NCK2: variants seen among roughly 807,000 people sequenced by gnomAD.
The protein encoded by NCK2 is cytoplasmic protein NCK2.
Under a neutral mutation model 33.9 loss-of-function variants are expected in NCK2, and 16 were observed. The observed-to-expected ratio is 0.47, with a 90% CI of 0.32 to 0.72. The LOEUF (loss-of-function observed/expected upper bound fraction) is 0.72. Among genes scored for constraint, NCK2 ranks in the 30% least tolerant of loss-of-function variants. The pLI is 0.03. For synonymous variants in NCK2, 273 were observed against 239.9 expected (o/e 1.14, Z -1.27); for missense variants, 418 against 537.3 (o/e 0.78, Z 2.19).
chr2:105,825,705 G>A (rs1203332553), intron 2 of NCK2, among the ~76,000 whole-genome samples: 3 of 152,172 alleles, frequency 2.0e-5, no homozygotes, highest in Admixed American at 2.0e-4. Flanking sequence ...TGCCCAGCAG[G>A]GCTATTATCT....
chr2:105,788,190 G>C lies in NCK2; in HGVS notation c.-200-28240G>C, dbSNP rs185325085. 1.1e-4 allele frequency among the ~76,000 whole-genome samples: 16 copies of C among 152,314 alleles called. No homozygotes were observed. The East Asian group carries it at 3.1e-3, about 29-fold the overall frequency. ...CAATTCTAGATAAGTTTTTTCATCA[G>C]CTATGTGAATTGGAGACAAAAGTTA... On this transcript the variant is annotated intron_variant, in intron 1 of 4. Transcript: ENST00000233154.
chr2:105,799,306 G>A (rs888303716), intron 1 of NCK2, among the ~76,000 whole-genome samples: 1 of 152,032 alleles, frequency 6.6e-6, no homozygotes, highest in African/African-American at 2.4e-5. Context: ...GTTATAAAGG[G>A]TGTTTTCCAT....
chr2:105,806,212 C>T (rs1675028997), intron 1 of NCK2, among the ~76,000 whole-genome samples: 1 of 142,268 alleles, frequency 7.0e-6, no homozygotes, highest in Non-Finnish European at 1.6e-5. Context: ...TGTATGTGTA[C>T]ATATCACACA....
rs192266729 is a variant in NCK2, at chr2:105,816,580, G to A, written c.-50G>A. ...ACATCATCGTTTTGAAGAGTTCTGC[G>A]TTTTGCCAGTCACCTCTCAACTGTG... On this transcript the variant is annotated 5_prime_UTR_variant, in exon 2 of 5. Transcript: ENST00000233154. 4 of 152,196 alleles carry A rather than the reference G, an allele frequency of 2.6e-5. No individual in the cohort carries two copies. The highest frequency in any genetic ancestry group is 1.3e-4 in the Admixed American group (2 of 15,276). 9.4% of individuals were successfully genotyped at this position (152,196 alleles called of 1,614,324 possible). A position where few individuals can be genotyped will look rare whatever the true frequency, so the allele number is the denominator to read the frequency against.
chr2:105,870,390 C>A (rs1677950141), intron 3 of NCK2, among the ~76,000 whole-genome samples: 1 of 152,194 alleles, frequency 6.6e-6, no homozygotes, highest in Non-Finnish European at 1.5e-5. Context: ...TGTGGCAGTC[C>A]CTTCCTGAAC....
At chr2:105,753,127 G>T (rs1689504833) in intron 1 of NCK2, among the ~76,000 whole-genome samples, 1 of 152,238 alleles carries the variant, frequency 6.6e-6, no homozygotes, top group South Asian at 2.1e-4. Flanking sequence ...ACATAAAACA[G>T]AACTGTAAAC....
chr2:105,763,651 G>A (rs554179029), intron 1 of NCK2, among the ~76,000 whole-genome samples: 70 of 152,206 alleles, frequency 4.6e-4, no homozygotes, highest in African/African-American at 1.7e-3. Context: ...TTGTGCATTG[G>A]GAACTTAGGG....
chr2:105,768,087 A>G (rs899402458), intron 1 of NCK2, among the ~76,000 whole-genome samples: 1 of 152,240 alleles, frequency 6.6e-6, no homozygotes, highest in African/African-American at 2.4e-5. Context: ...CACCTCTCCC[A>G]GTAACCACAT....
chr2:105,755,423 G>A (rs553530816), intron 1 of NCK2, among the ~76,000 whole-genome samples: 53 of 152,214 alleles, frequency 3.5e-4, no homozygotes, highest in African/African-American at 1.1e-3. Flanking sequence ...TGATTGTGCC[G>A]AGCACCTCAT....
intron 2 of NCK2, chr2:105,851,863 G>C (rs972331356): frequency 1.3e-5 from 2 of 152,302 alleles, no homozygotes; most frequent in Non-Finnish European, 2.9e-5. Flanking sequence ...GTAAGTGAGC[G>C]AGCCGGACGT....
At chr2:105,859,312 C>T (rs535670898) in intron 3 of NCK2, among the ~76,000 whole-genome samples, 3 of 152,162 alleles carry the variant, frequency 2.0e-5, no homozygotes, top group Admixed American at 1.3e-4. Context: ...CAAAAAGTTA[C>T]GGTTCCATTT....
In NCK2 at chr2:105,814,649, G is replaced by A. The variant is rs1273913515; in HGVS notation, c.-200-1781G>A. On this transcript the variant is annotated intron_variant, in intron 1 of 4. Coordinates refer to ENST00000233154, the MANE Select transcript of NCK2 (RefSeq NM_003581.5). ...AGAGATGTGCAAAGCCCACTCATCC[G>A]GAGTCCAAGGCCTAAGTGATTCCTC... Among the ~76,000 whole-genome samples, 5 of 152,280 alleles carry A rather than the reference G, an allele frequency of 3.3e-5. No homozygotes were observed. The East Asian group carries it at 9.6e-4, about 29-fold the overall frequency.
intron 1 of NCK2, among the ~76,000 whole-genome samples, chr2:105,784,213 C>T (rs906738878): frequency 1.3e-5 from 2 of 152,236 alleles, no homozygotes; most frequent in African/African-American, 4.8e-5. Flanking sequence ...AAGTAATCCG[C>T]CCGCCTCAGC....
In NCK2 at chr2:105,765,234, T is replaced by G. The variant is rs569087528; in HGVS notation, c.-201+20096T>G. On this transcript the variant is annotated intron_variant, in intron 1 of 4. Coordinates refer to ENST00000233154, the MANE Select transcript of NCK2 (RefSeq NM_003581.5). ...CATAAAGGCATTTTGGATTGATCTA[T>G]TCTAGAGGACCGTGTCTCAGAGTGA... Among the ~76,000 whole-genome samples the G allele has an allele frequency of 2.0e-5, 3 of 152,354 alleles. No individual in the cohort carries two copies. In the East Asian group the frequency reaches 5.8e-4, roughly 29 times the overall value.
chr2:105,844,425 T>C (rs539641071), intron 2 of NCK2, among the ~76,000 whole-genome samples: 1 of 152,080 alleles, frequency 6.6e-6, no homozygotes, highest in African/African-American at 2.4e-5. Context: ...CCTATTTTAG[T>C]CTAAAAAATA....
chr2:105,813,509 C>T (rs890094587), intron 1 of NCK2, among the ~76,000 whole-genome samples: 4 of 152,232 alleles, frequency 2.6e-5, no homozygotes, highest in Non-Finnish European at 4.4e-5. Flanking sequence ...CATCACTGGA[C>T]TTCCCTCTCA....
chr2:105,820,108 A>G (rs942694820), intron 2 of NCK2, among the ~76,000 whole-genome samples: 1 of 152,186 alleles, frequency 6.6e-6, no homozygotes, highest in African/African-American at 2.4e-5. Context: ...TACGTTGGGA[A>G]TAAGTTTTAA....
intron 1 of NCK2, among the ~76,000 whole-genome samples, chr2:105,803,477 G>T (rs939631163): frequency 6.6e-6 from 1 of 152,204 alleles, no homozygotes; most frequent in Admixed American, 6.5e-5. Flanking sequence ...GAATACGTGT[G>T]ACTGATTTCA....
Position 105,778,582 on chromosome 2 carries a change from A to T in NCK2, c.-201+33444A>T, listed in dbSNP as rs533690464. 1.1e-3 allele frequency among the ~76,000 whole-genome samples: 175 copies of T among 152,364 alleles called. 1 individual carries two copies. Among genetic ancestry groups the T allele is most frequent in the African/African-American group, 4.1e-3 (170 of 41,586 alleles). ...GTTAACTCTCACAGAGTAATGCAGG[A>T]TGCTGGTGGCTGCGTGAACCAAAGG... On this transcript the variant is annotated intron_variant, in intron 1 of 4. Transcript: ENST00000233154.
Sources: allele counts gnomAD v4.1 joint callset (sites outside exome capture counted in the v4.1 genomes callset), GRCh38; gene constraint gnomAD v4.1.1; transcripts MANE v1.5; gene names NCBI Gene and HGNC (gene_info 2026-07-23, HGNC 2026-07-21).